Variants in ME1 observed in about 807,000 individuals in gnomAD.
ME1 encodes NADP-dependent malic enzyme.
Under a neutral mutation model 66.4 loss-of-function variants are expected in ME1, and 74 were observed. The ratio of observed to expected loss-of-function variants is 1.11; its 90% confidence interval spans 0.92 to 1.35. ME1 has a LOEUF of 1.35. Ranked by LOEUF, ME1 falls within the 40% of genes most tolerant of loss-of-function variation. ME1 has a pLI of 0.00. For synonymous variants in ME1, 251 were observed against 235.6 expected, an observed-to-expected ratio of 1.07 and a Z score of -0.60; for missense variants, 750 against 694.1, an observed-to-expected ratio of 1.08 and a Z score of -0.90.
chr6:83,349,015 A>AAAAAAAAAAAAAAAAAAAAAAAAC (rs746037012), intron 4 of ME1, among the ~76,000 whole-genome samples: 1 of 124,024 alleles, frequency 8.1e-6, no homozygotes, highest in African/African-American at 3.1e-5. Context: ...AAAACAAAAA[A>AAAAAAAAAAAAAAAAAAAAAAAAC]CAGTGCATTC....
intron 6 of ME1, among the ~76,000 whole-genome samples, chr6:83,255,806 A>G (rs1766758544): frequency 6.6e-6 from 1 of 152,056 alleles, no homozygotes; most frequent in South Asian, 2.1e-4. Flanking sequence ...TATTACACAC[A>G]CACACTTACT....
Position 83,315,823 on chromosome 6 carries a change from G to A in ME1, c.601-410C>T, listed in dbSNP as rs143207415. Among the ~76,000 whole-genome samples, 541 of 152,222 alleles carry A rather than the reference G, an allele frequency of 3.6e-3. 2 individuals are homozygous for A. The highest frequency in any genetic ancestry group is 0.012 in the African/African-American group (512 of 41,520). On this transcript the variant is annotated intron_variant, in intron 5 of 13. Coordinates refer to ENST00000369705, the MANE Select transcript of ME1 (RefSeq NM_002395.6). ...GAAGCAGAAGAATCACTTGAACCTG[G>A]GAGGTGGAGGTTGCAGTGAACCAAG...
chr6:83,328,958 G>T (rs1170485), intron 5 of ME1, among the ~76,000 whole-genome samples: 50,616 of 151,822 alleles, frequency 0.33, 8,808 homozygotes, highest in Middle Eastern at 0.49. Flanking sequence ...TTATACTAAT[G>T]ATCTTACTAT....
chr6:83,312,813 G>C (rs1252273614), intron 6 of ME1, among the ~76,000 whole-genome samples: 1 of 152,048 alleles, frequency 6.6e-6, no homozygotes, highest in Non-Finnish European at 1.5e-5. Context: ...AGTGCGGGGT[G>C]GTGTGATCTT....
intron 3 of ME1, among the ~76,000 whole-genome samples, chr6:83,361,843 A>G (rs1330468824): frequency 6.6e-6 from 1 of 152,178 alleles, no homozygotes; most frequent in Non-Finnish European, 1.5e-5. Context: ...TGGAAGTGGT[A>G]TATAGGTGAC....
chr6:83,420,283 G>A (rs1770239930), intron 1 of ME1, among the ~76,000 whole-genome samples: 1 of 152,094 alleles, frequency 6.6e-6, no homozygotes, highest in African/African-American at 2.4e-5. Context: ...GGCCAGGCTG[G>A]CCTCGAACTC....
At chr6:83,302,486 A>G (rs1767746003) in intron 6 of ME1, among the ~76,000 whole-genome samples, 1 of 152,174 alleles carries the variant, frequency 6.6e-6, no homozygotes, top group African/African-American at 2.4e-5. Context: ...TATCACAGTA[A>G]CAACATATAT....
Position 83,346,159 on chromosome 6 carries a change from C to G in ME1, c.600+14G>C, listed in dbSNP as rs757734232. The stretch of plus-strand genomic sequence containing the variant: ...TAAAGGTACATAGCTGCCTTATAGA[C>G]GTAAATTATTTACCTCATTTTCGGT... On this transcript the variant is annotated intron_variant, in intron 5 of 13. Coordinates refer to ENST00000369705, the MANE Select transcript of ME1 (RefSeq NM_002395.6). 6.3e-7 allele frequency: 1 copy of G among 1,588,064 alleles called. No individual in the cohort carries two copies. Among genetic ancestry groups the G allele is most frequent in the Non-Finnish European group, 8.6e-7 (1 of 1,164,116 alleles).
chr6:83,365,674 C>T (rs1769089868), intron 3 of ME1, among the ~76,000 whole-genome samples: 1 of 152,316 alleles, frequency 6.6e-6, no homozygotes, highest in Non-Finnish European at 1.5e-5. Context: ...AGCTATACTT[C>T]GATTCTTCAC....
intron 12 of ME1, among the ~76,000 whole-genome samples, chr6:83,217,973 G>C (rs1290113037): frequency 6.6e-6 from 1 of 152,168 alleles, no homozygotes; most frequent in Non-Finnish European, 1.5e-5. Flanking sequence ...ATAACTATTT[G>C]TTTGATTAGT....
intron 11 of ME1, among the ~76,000 whole-genome samples, chr6:83,224,922 C>T (rs1790161777): frequency 6.6e-6 from 1 of 151,704 alleles, no homozygotes; most frequent in Non-Finnish European, 1.5e-5. Context: ...ATGAACTTGG[C>T]TGGGCGCGGT....
intron 6 of ME1, among the ~76,000 whole-genome samples, chr6:83,300,536 C>A (rs1285626382): frequency 7.4e-5 from 11 of 148,934 alleles, no homozygotes; most frequent in Non-Finnish European, 1.6e-4. Context: ...AATCTACAAA[C>A]AAAAAACAGC....
At chr6:83,322,142 C>G (rs562193554) in intron 5 of ME1, among the ~76,000 whole-genome samples, 1 of 152,148 alleles carries the variant, frequency 6.6e-6, no homozygotes, top group Non-Finnish European at 1.5e-5. Context: ...AAAAACCCCA[C>G]GCGAAGGTCA....
At chr6:83,294,013 C>T (rs940331588) in intron 6 of ME1, among the ~76,000 whole-genome samples, 1 of 152,128 alleles carries the variant, frequency 6.6e-6, no homozygotes, top group Non-Finnish European at 1.5e-5. Context: ...AAAACTAAGA[C>T]AGGGCTGAAG....
intron 3 of ME1, among the ~76,000 whole-genome samples, chr6:83,383,639 T>A (rs549776707): frequency 4.0e-5 from 6 of 151,830 alleles, no homozygotes; most frequent in Non-Finnish European, 7.4e-5. Flanking sequence ...TACTTGCACA[T>A]TTTCAGCTTT....
At chr6:83,221,912 A>AC (rs1398488041) in intron 12 of ME1, among the ~76,000 whole-genome samples, 1 of 152,248 alleles carries the variant, frequency 6.6e-6, no homozygotes, top group Non-Finnish European at 1.5e-5. Flanking sequence ...AAACCAGTAG[A>AC]AAGGCCAAGA....
intron 6 of ME1, among the ~76,000 whole-genome samples, chr6:83,263,121 C>A (rs1766927531): frequency 6.6e-6 from 1 of 152,064 alleles, no homozygotes; most frequent in South Asian, 2.1e-4. Context: ...GTTATGATGA[C>A]CTGTGATCAG....
At chr6:83,323,921 GACCCC>G (rs1025214667) in intron 5 of ME1, among the ~76,000 whole-genome samples, 3 of 152,016 alleles carry the variant, frequency 2.0e-5, no homozygotes, top group African/African-American at 7.3e-5. Context: ...TTCTAAAATT[GACCCC>G]ACAATTAGAG....
chr6:83,423,619 T>C (rs13214484), intron 1 of ME1, among the ~76,000 whole-genome samples: 41,471 of 151,736 alleles, frequency 0.27, 6,491 homozygotes, highest in Middle Eastern at 0.47. Context: ...GGTAACATGA[T>C]GAAATTGTGT....
Sources: gnomAD v4.1 joint callset for allele counts (sites outside exome capture counted in the v4.1 genomes callset) on GRCh38, gnomAD v4.1.1 for gene constraint, MANE v1.5 for transcripts, NCBI Gene and HGNC (gene_info 2026-07-23, HGNC 2026-07-21) for gene names.